Variants in BPIFB1 observed in about 807,000 individuals in gnomAD.
The protein encoded by BPIFB1 is BPI fold containing family B member 1.
BPIFB1 carries 34 observed loss-of-function variants against 55.1 expected under a neutral mutation model. The ratio of observed to expected loss-of-function variants is 0.62; its 90% CI spans 0.47 to 0.82. The LOEUF (loss-of-function observed/expected upper bound fraction) is 0.82. BPIFB1 is among the 40% of genes least tolerant of loss of function. BPIFB1 has a pLI of 0.00. For synonymous variants in BPIFB1, 236 were observed against 245.3 expected (o/e 0.96, Z 0.35); for missense variants, 532 against 593.1 (o/e 0.90, Z 1.07).
At chr20:33,291,783 C>T in intron 5 of BPIFB1, 124 bp from the exon 6 acceptor site, 3 of 817,400 alleles carry the variant, frequency 3.7e-6, no homozygotes, top group South Asian at 3.2e-5. Context: ...CCGTCTCTAA[C>T]ACGTCCTGTG....
In BPIFB1 at chr20:33,309,868, G is replaced by A; in HGVS notation, c.*101G>A. 1 of 1,127,248 alleles carries A rather than the reference G, an allele frequency of 8.9e-7. No individual in the cohort carries two copies. Among genetic ancestry groups the A allele is most frequent in the Non-Finnish European group, 1.3e-6 (1 of 755,372 alleles). The allele number at this position is 1,127,248 out of a possible 1,614,324, so 69.8% of individuals were successfully genotyped here. A position where few individuals can be genotyped will look rare whatever the true frequency, so the allele number is the denominator to read the frequency against. On this transcript the variant is annotated 3_prime_UTR_variant, in exon 16 of 16. Coordinates refer to ENST00000253354, the MANE Select transcript of BPIFB1 (RefSeq NM_033197.3). The surrounding 1 kb of genome is among the most constrained non-coding windows in gnomAD (Gnocchi z 4.4). Reference sequence around the variant, plus strand: ...CTCTGCAATCAATAAACACTTGCCTGTGATGCCTGCCGTCTGGAGTCTCTT... The same window carrying A: ...CTCTGCAATCAATAAACACTTGCCTATGATGCCTGCCGTCTGGAGTCTCTT...
Position 33,287,320 on chromosome 20 carries a change from T to A in BPIFB1, c.115+1132T>A, listed in dbSNP as rs533461424. On this transcript the variant is annotated intron_variant, in intron 2 of 15. Transcript: ENST00000253354. ...GGAAAGGCATCCCATGAGGGGTGCA[T>A]GTCCAAGCCAGTTACCACTGTGGCG... Among the ~76,000 whole-genome samples the A allele has an allele frequency of 5.3e-5, 8 of 152,256 alleles. No individual in the cohort carries two copies. The East Asian group carries it at 1.5e-3, about 29-fold the overall frequency.
At chr20:33,288,934 C>T (rs761908126) in intron 3 of BPIFB1, 52 bp downstream of exon 3, 13 of 1,569,108 alleles carry the variant, frequency 8.3e-6, no homozygotes, top group African/African-American at 8.1e-5. Flanking sequence ...CACCTTTGCC[C>T]GGGACACGCT....
intron 6 of BPIFB1, among the ~76,000 whole-genome samples, chr20:33,295,654 A>AAGAG (rs1424438480): frequency 4.0e-5 from 6 of 150,726 alleles, no homozygotes; most frequent in African/African-American, 1.2e-4. Flanking sequence ...AGAAGAAAGA[A>AAGAG]AGAAAGAGAG....
chr20:33,295,466 C>T (rs573810827), intron 6 of BPIFB1, among the ~76,000 whole-genome samples: 1 of 151,802 alleles, frequency 6.6e-6, no homozygotes. Context: ...ATTAGCCAGA[C>T]ATGGTGGTGG....
intron 1 of BPIFB1, 73 bp from the exon 2 acceptor site, chr20:33,285,960 G>C: frequency 1.1e-6 from 1 of 916,986 alleles, no homozygotes; most frequent in Non-Finnish European, 1.7e-6. Context: ...CCTGGACACC[G>C]TGCCCCAGGT....
intron 6 of BPIFB1, among the ~76,000 whole-genome samples, chr20:33,295,214 CAA>C (rs59451968): frequency 8.3e-6 from 1 of 120,028 alleles, no homozygotes; most frequent in African/African-American, 2.8e-5. Flanking sequence ...AACTCTATCT[CAA>C]AAAAAAAAAA....
At chr20:33,294,252 A>T (rs183674791) in intron 6 of BPIFB1, among the ~76,000 whole-genome samples, 4 of 152,340 alleles carry the variant, frequency 2.6e-5, no homozygotes, top group Admixed American at 2.0e-4. Context: ...ATTCAGCCCA[A>T]TTCAAGCTAC....
chr20:33,307,159 T>A, intron 15 of BPIFB1, 172 bp downstream of exon 15: 1 of 621,106 alleles, frequency 1.6e-6, no homozygotes, highest in Non-Finnish European at 2.9e-6. Context: ...TTGGCTGTGC[T>A]GAGGATGGAA....
chr20:33,297,427 G>A (rs754472877), intron 6 of BPIFB1, 98 bp from the exon 7 acceptor site: 11 of 1,331,556 alleles, frequency 8.3e-6, no homozygotes, highest in Non-Finnish European at 8.6e-6. Context: ...GGGCACAGCA[G>A]TAGGACACAG....
intron 8 of BPIFB1, among the ~76,000 whole-genome samples, 185 bp from the exon 9 acceptor site, chr20:33,301,048 G>A (rs772695400): frequency 2.0e-5 from 3 of 152,212 alleles, no homozygotes; most frequent in East Asian, 1.9e-4. Context: ...AAAAATAAAA[G>A]TCAGAGATTA....
At chr20:33,296,244 A>T (rs1480201213) in intron 6 of BPIFB1, among the ~76,000 whole-genome samples, 3 of 152,154 alleles carry the variant, frequency 2.0e-5, no homozygotes, top group Non-Finnish European at 4.4e-5. Context: ...GTTCCCCGGG[A>T]CACTTTCCGG....
intron 3 of BPIFB1, among the ~76,000 whole-genome samples, chr20:33,289,266 A>G (rs1980370895): frequency 6.6e-6 from 1 of 152,048 alleles, no homozygotes; most frequent in Non-Finnish European, 1.5e-5. Flanking sequence ...CTGTAATCCC[A>G]GCTACTCAGG....
In BPIFB1 at chr20:33,306,571, G is replaced by A. The variant is rs41312282; in HGVS notation, c.1319-340G>A. 4.8e-3 allele frequency: 1,664 copies of A among 346,012 alleles called. 13 individuals carry two copies. The highest frequency in any genetic ancestry group is 7.1e-3 in the Non-Finnish European group (1,330 of 186,508). The allele number at this position is 346,012 out of a possible 1,614,324, so 21.4% of individuals were successfully genotyped here. A position where few individuals can be genotyped will look rare whatever the true frequency, so the allele number is the denominator to read the frequency against. The stretch of plus-strand genomic sequence containing the variant: ...GTGGGAAGGGTTTGTAACCTATACA[G>A]TTCCACCTTTTTAATTTCTTTATTT... On this transcript the variant is annotated intron_variant, in intron 14 of 15. Transcript: ENST00000253354.
intron 2 of BPIFB1, among the ~76,000 whole-genome samples, chr20:33,287,864 C>A (rs1980320433): frequency 6.6e-6 from 1 of 152,200 alleles, no homozygotes. Context: ...GAAAGAGAAG[C>A]ACACCAGAGC....
chr20:33,289,071 G>A (rs1980365109), intron 3 of BPIFB1, among the ~76,000 whole-genome samples, 189 bp downstream of exon 3: 1 of 152,142 alleles, frequency 6.6e-6, no homozygotes, highest in Non-Finnish European at 1.5e-5. Context: ...AGTGACACAG[G>A]AACCCTAATA....
chr20:33,301,562 T>C (rs1980853273), intron 9 of BPIFB1, 150 bp downstream of exon 9: 4 of 710,564 alleles, frequency 5.6e-6, no homozygotes, highest in Non-Finnish European at 9.0e-6. Context: ...GCCTCTGACA[T>C]AGCTCTAAAC....
chr20:33,299,266 C>T (rs1359538331), intron 7 of BPIFB1: 1 of 441,032 alleles, frequency 2.3e-6, no homozygotes, highest in Non-Finnish European at 4.7e-6. Context: ...ACTCCCCATC[C>T]TCGGCCATAC....
rs1981170789 is a variant in BPIFB1 at position 33,309,763 on chromosome 20, A to C, written c.1451A>C (p.Gln484Pro). Residue 484 changes from glutamine to proline, a missense_variant, in exon 16 of 16, where the codon CAG (glutamine) becomes CCG (proline). Coordinates refer to ENST00000253354, the MANE Select transcript of BPIFB1 (RefSeq NM_033197.3). The surrounding 1 kb of genome is among the most constrained non-coding windows in gnomAD (Gnocchi z 4.4). Reference protein sequence around the residue: ...SLWKPSSPVSQ With the variant: ...SLWKPSSPVSP ...TGGAAACCCAGCTCTCCTGTCTCCC[A>C]GTGAAGACTTGGATGGCAGCCATCA... 14 of 1,613,888 alleles carry C rather than the reference A, an allele frequency of 8.7e-6. No individual in the cohort carries two copies. The highest frequency in any genetic ancestry group is 1.3e-5 in the African/African-American group (1 of 74,940).
Sources: allele counts gnomAD v4.1 joint callset (sites outside exome capture counted in the v4.1 genomes callset), GRCh38; gene constraint gnomAD v4.1.1; non-coding constraint Gnocchi (gnomAD v3.1); transcripts MANE v1.5; gene names NCBI Gene and HGNC (gene_info 2026-07-23, HGNC 2026-07-21).